Variants in GPC6 observed in about 807,000 individuals in gnomAD.
GPC6 encodes the protein glypican-6.
A neutral mutation model predicts 55.2 loss-of-function variants in GPC6; 14 were observed. The observed-to-expected ratio is 0.25, with a 90% confidence interval of 0.17 to 0.40. The LOEUF is 0.40. Ranked by LOEUF, GPC6 falls within the 10% of genes least tolerant of loss-of-function variation. The pLI, the probability that GPC6 is intolerant of heterozygous loss-of-function variation, is 1.00. For synonymous variants in GPC6, 278 were observed against 259.6 expected (o/e 1.07, Z -0.68); for missense variants, 641 against 708.5 (o/e 0.90, Z 1.08).
At position 94,405,184 on chromosome 13, in the gene GPC6, A is replaced by G. The variant is rs966323483; in HGVS notation, c.*1967A>G. Reference sequence around the variant, plus strand: ...AAGCATCTATTGCTACTTTATGCCTAATGAAATATAAAATGTAGGATGATG... The same window carrying G: ...AAGCATCTATTGCTACTTTATGCCTGATGAAATATAAAATGTAGGATGATG... On this transcript the variant is annotated 3_prime_UTR_variant, in exon 9 of 9. Transcript: ENST00000377047. 2.0e-5 allele frequency: 3 copies of G among 152,250 alleles called. No homozygotes were observed. 9.4% of individuals were successfully genotyped at this position (152,250 alleles called of 1,614,324 possible). A position where few individuals can be genotyped will look rare whatever the true frequency, so the allele number is the denominator to read the frequency against.
intron 3 of GPC6, among the ~76,000 whole-genome samples, chr13:93,933,881 G>A (rs928989685): frequency 3.3e-5 from 5 of 152,102 alleles, no homozygotes; most frequent in African/African-American, 7.2e-5. Flanking sequence ...CATCTAAACC[G>A]CAGCCCCTTC....
At chr13:94,030,211 G>A (rs1883071148) in intron 4 of GPC6, among the ~76,000 whole-genome samples, 1 of 151,936 alleles carries the variant, frequency 6.6e-6, no homozygotes, top group African/African-American at 2.4e-5. Context: ...GGTTTTCACC[G>A]TGTTAGCCAG....
At chr13:93,979,317 GTTTGTGTGTGTTTT>G (rs1390138609) in intron 3 of GPC6, among the ~76,000 whole-genome samples, 2 of 131,826 alleles carry the variant, frequency 1.5e-5, no homozygotes, top group East Asian at 2.2e-4. Flanking sequence ...GTGTGTGTGT[GTTTGTGTGTGTTTT>G]TTTGTGTGTG....
At chr13:94,059,788 G>T (rs1236216062) in intron 4 of GPC6, among the ~76,000 whole-genome samples, 1 of 151,794 alleles carries the variant, frequency 6.6e-6, no homozygotes, top group Admixed American at 6.6e-5. Context: ...TTTCATGAAA[G>T]AGTGCTAATC....
rs762523361 is a variant in GPC6 at position 94,405,694 on chromosome 13, A to ATC, written c.*2477_*2478insTC. The ATC allele has an allele frequency of 6.6e-6, 1 of 152,160 alleles. No individual in the cohort carries two copies. The highest frequency in any genetic ancestry group is 6.5e-5 in the Admixed American group (1 of 15,278). The allele number at this position is 152,160 out of a possible 1,614,324, so 9.4% of individuals were successfully genotyped here. A position where few individuals can be genotyped will look rare whatever the true frequency, so the allele number is the denominator to read the frequency against. On this transcript the variant is annotated 3_prime_UTR_variant, in exon 9 of 9. Coordinates refer to ENST00000377047, the MANE Select transcript of GPC6 (RefSeq NM_005708.5). ...AAACGCCTGCTTCATTTGTTTCAAC[A>ATC]CCTTCATTATCAATATGATTCATAT...
intron 3 of GPC6, among the ~76,000 whole-genome samples, chr13:93,948,270 A>G (rs147237846): frequency 6.6e-6 from 1 of 152,342 alleles, no homozygotes; most frequent in East Asian, 1.9e-4. Flanking sequence ...ATTCAAATAC[A>G]TATTCATGTA....
intron 2 of GPC6, among the ~76,000 whole-genome samples, chr13:93,643,067 T>G (rs1430688170): frequency 6.6e-6 from 1 of 152,166 alleles, no homozygotes; most frequent in Non-Finnish European, 1.5e-5. Context: ...TTTTAATCAC[T>G]AAAATATGAA....
chr13:93,980,248 G>A (rs1880734818), intron 3 of GPC6, among the ~76,000 whole-genome samples: 1 of 152,046 alleles, frequency 6.6e-6, no homozygotes, highest in African/African-American at 2.4e-5. Context: ...TATCCACATG[G>A]CTCAGTGCAT....
At chr13:93,239,817 T>C (rs377296364) in intron 1 of GPC6, among the ~76,000 whole-genome samples, 1 of 152,106 alleles carries the variant, frequency 6.6e-6, no homozygotes, top group East Asian at 1.9e-4. Context: ...CCAGAGATTT[T>C]GATAACTTGT....
At chr13:94,003,625 C>G (rs1322137529) in intron 3 of GPC6, among the ~76,000 whole-genome samples, 2 of 152,166 alleles carry the variant, frequency 1.3e-5, no homozygotes, top group Non-Finnish European at 1.5e-5. Context: ...TACCATCATA[C>G]AGCCTACTAT....
At chr13:94,150,253 T>G (rs1887692007) in intron 4 of GPC6, among the ~76,000 whole-genome samples, 1 of 152,102 alleles carries the variant, frequency 6.6e-6, no homozygotes, top group South Asian at 2.1e-4. Context: ...TAATTCTATT[T>G]GCCTAATTTA....
intron 4 of GPC6, among the ~76,000 whole-genome samples, chr13:94,184,174 G>T (rs1889093358): frequency 1.3e-5 from 2 of 152,026 alleles, no homozygotes; most frequent in African/African-American, 2.4e-5. Flanking sequence ...TCTAAAAATC[G>T]TAGAAGAAAA....
intron 1 of GPC6, among the ~76,000 whole-genome samples, chr13:93,526,884 C>T (rs1008279791): frequency 3.9e-5 from 6 of 152,002 alleles, no homozygotes; most frequent in African/African-American, 1.4e-4. Context: ...ATGTGGCTTC[C>T]AGCAGTATCA....
intron 1 of GPC6, among the ~76,000 whole-genome samples, chr13:93,496,624 A>T (rs1422317501): frequency 6.6e-6 from 1 of 152,182 alleles, no homozygotes; most frequent in Non-Finnish European, 1.5e-5. Flanking sequence ...CTTTATAGAG[A>T]CAGACAACAT....
intron 1 of GPC6, among the ~76,000 whole-genome samples, chr13:93,444,195 CTTTTT>C (rs10659977): frequency 9.0e-6 from 1 of 110,706 alleles, no homozygotes; most frequent in Non-Finnish European, 1.9e-5. Flanking sequence ...TGCAATTCTT[CTTTTT>C]TTTTTTTTTT....
intron 1 of GPC6, among the ~76,000 whole-genome samples, chr13:93,296,978 G>A (rs1878517168): frequency 6.6e-6 from 1 of 152,132 alleles, no homozygotes; most frequent in Non-Finnish European, 1.5e-5. Context: ...CAGTGAGGAG[G>A]GATGGTTGGA....
chr13:93,609,103 T>C (rs1252819037), intron 2 of GPC6, among the ~76,000 whole-genome samples: 1 of 152,208 alleles, frequency 6.6e-6, no homozygotes, highest in Non-Finnish European at 1.5e-5. Flanking sequence ...CCCACTCCCA[T>C]CCAATCAGTC....
Position 94,298,275 on chromosome 13 carries a change from T to C in GPC6, c.1009-7705T>C, listed in dbSNP as rs560808769. On this transcript the variant is annotated intron_variant, in intron 5 of 8. Coordinates refer to ENST00000377047, the MANE Select transcript of GPC6 (RefSeq NM_005708.5). ...TGCTACTACTTTTAATGAAATTTTT[T>C]TAACATATTTCAACTAATTCTGATT... 2.8e-4 allele frequency among the ~76,000 whole-genome samples: 42 copies of C among 152,348 alleles called. 1 individual carries two copies. The South Asian group carries it at 8.5e-3, about 31-fold the overall frequency.
chr13:93,625,550 G>GTTGT (rs1879164861), intron 2 of GPC6, among the ~76,000 whole-genome samples: 1 of 152,120 alleles, frequency 6.6e-6, no homozygotes. Flanking sequence ...TAGGCTTGGA[G>GTTGT]CCTTCTGCGC....
Sources: allele counts gnomAD v4.1 joint callset (sites outside exome capture counted in the v4.1 genomes callset), GRCh38; gene constraint gnomAD v4.1.1; transcripts MANE v1.5; gene names NCBI Gene and HGNC (gene_info 2026-07-23, HGNC 2026-07-21).